Variants in ZEB1 observed in about 807,000 individuals in gnomAD.
The protein encoded by ZEB1 is zinc finger E-box binding homeobox 1, also known as zinc finger E-box-binding homeobox 1.
A neutral mutation model predicts 84.9 loss-of-function variants in ZEB1; 21 were observed. That is an observed-to-expected ratio of 0.25 (90% CI 0.18 to 0.36). The LOEUF (loss-of-function observed/expected upper bound fraction) is 0.36, where lower values mean the gene tolerates loss of function less well. ZEB1 is among the 10% of genes least tolerant of loss of function. ZEB1 has a pLI of 1.00. For synonymous variants in ZEB1, 420 were observed against 471.1 expected (o/e 0.89, Z 1.41); for missense variants, 1,104 against 1,330.2 (o/e 0.83, Z 2.65).
intron 1 of ZEB1, among the ~76,000 whole-genome samples, chr10:31,346,253 A>C (rs1180535534): frequency 6.6e-6 from 1 of 152,194 alleles, no homozygotes; most frequent in Non-Finnish European, 1.5e-5. Flanking sequence ...ACAGAACTAT[A>C]GGAAATTTCT....
chr10:31,472,581 A>G (rs1221544804), intron 2 of ZEB1, among the ~76,000 whole-genome samples: 1 of 132,452 alleles, frequency 7.5e-6, no homozygotes, highest in African/African-American at 3.2e-5. Flanking sequence ...TTACCAACCA[A>G]AAAGAGTCCA....
chr10:31,462,080 C>G (rs1280185621), intron 2 of ZEB1, among the ~76,000 whole-genome samples: 2 of 152,014 alleles, frequency 1.3e-5, no homozygotes, highest in African/African-American at 4.8e-5. Flanking sequence ...AGCAAGAATT[C>G]AAGTTCAAAG....
chr10:31,349,555 C>A (rs2040947106), intron 1 of ZEB1, among the ~76,000 whole-genome samples: 1 of 152,124 alleles, frequency 6.6e-6, no homozygotes, highest in Non-Finnish European at 1.5e-5. Context: ...CAGGGGTTTC[C>A]TTCTCTCTGC....
chr10:31,509,525 G>A (rs1027619713), intron 4 of ZEB1, among the ~76,000 whole-genome samples: 7 of 152,190 alleles, frequency 4.6e-5, no homozygotes, highest in Non-Finnish European at 8.8e-5. Context: ...TAGAGGAGGT[G>A]AGTACCAGAT....
intron 1 of ZEB1, chr10:31,387,910 GTCTT>G: frequency 4.0e-6 from 1 of 249,648 alleles, no homozygotes; most frequent in Non-Finnish European, 6.4e-6. Flanking sequence ...ACTTCTTCCT[GTCTT>G]CAGGAAATGA....
At chr10:31,436,356 A>G (rs142110784) in intron 1 of ZEB1, among the ~76,000 whole-genome samples, 6 of 152,278 alleles carry the variant, frequency 3.9e-5, no homozygotes, top group Admixed American at 1.3e-4. Flanking sequence ...TTGTCAATGA[A>G]GTCTTTAATA....
At chr10:31,346,634 G>T (rs531082590) in intron 1 of ZEB1, among the ~76,000 whole-genome samples, 1 of 152,028 alleles carries the variant, frequency 6.6e-6, no homozygotes, top group South Asian at 2.1e-4. Flanking sequence ...TAAGTCAAGA[G>T]CAGACCACTT....
At chr10:31,428,134 A>G (rs564203278) in intron 1 of ZEB1, among the ~76,000 whole-genome samples, 4 of 151,972 alleles carry the variant, frequency 2.6e-5, no homozygotes, top group South Asian at 2.1e-4. Flanking sequence ...GCTCTTGATT[A>G]TCTAGTTATT....
At chr10:31,349,832 A>C (rs910574987) in intron 1 of ZEB1, among the ~76,000 whole-genome samples, 1 of 152,066 alleles carries the variant, frequency 6.6e-6, no homozygotes, top group Non-Finnish European at 1.5e-5. Context: ...TATCAGTTGT[A>C]TGGTGTGTTT....
chr10:31,368,097 C>T (rs1351028860), intron 1 of ZEB1, among the ~76,000 whole-genome samples: 1 of 151,972 alleles, frequency 6.6e-6, no homozygotes, highest in Non-Finnish European at 1.5e-5. Flanking sequence ...ATACCAAAAT[C>T]CAAATACTGT....
At chr10:31,320,345 G>A (rs1012316670) in intron 1 of ZEB1, 5 of 152,250 alleles carry the variant, frequency 3.3e-5, no homozygotes, top group Non-Finnish European at 5.9e-5. Context: ...CGAGGTCTCT[G>A]CGCCGGGATG....
chr10:31,456,259 G>A (rs1022664625), intron 1 of ZEB1, among the ~76,000 whole-genome samples: 4 of 152,118 alleles, frequency 2.6e-5, no homozygotes, highest in African/African-American at 7.2e-5. Flanking sequence ...GCCTGTTGGC[G>A]GGGTGGGGGT....
intron 1 of ZEB1, among the ~76,000 whole-genome samples, chr10:31,335,284 A>G (rs2037769397): frequency 6.6e-6 from 1 of 152,144 alleles, no homozygotes; most frequent in African/African-American, 2.4e-5. Flanking sequence ...TACCATTGGT[A>G]GCCGTCTTGG....
intron 2 of ZEB1, among the ~76,000 whole-genome samples, chr10:31,472,517 G>A (rs1402938829): frequency 6.6e-6 from 1 of 150,464 alleles, no homozygotes; most frequent in Non-Finnish European, 1.5e-5. Flanking sequence ...GGAAGAAGTT[G>A]AATCTCTGAA....
intron 1 of ZEB1, among the ~76,000 whole-genome samples, chr10:31,426,602 T>G (rs2056956523): frequency 6.6e-6 from 1 of 152,216 alleles, no homozygotes; most frequent in African/African-American, 2.4e-5. Context: ...GTGATCTGAC[T>G]GTTCCTAGTG....
At chr10:31,475,747 T>TG (rs1347099905) in intron 2 of ZEB1, among the ~76,000 whole-genome samples, 1 of 152,108 alleles carries the variant, frequency 6.6e-6, no homozygotes, top group East Asian at 1.9e-4. Flanking sequence ...TAGAGAGAAT[T>TG]CATCACCACT....
At chr10:31,404,361 C>T (rs191141505) in intron 1 of ZEB1, among the ~76,000 whole-genome samples, 105 of 152,138 alleles carry the variant, frequency 6.9e-4, no homozygotes, top group African/African-American at 2.3e-3. Flanking sequence ...CCTGCCTGTA[C>T]GTAGCACTTG....
chr10:31,409,960 G>A (rs1033544468), intron 1 of ZEB1, among the ~76,000 whole-genome samples: 1 of 152,204 alleles, frequency 6.6e-6, no homozygotes, highest in Non-Finnish European at 1.5e-5. Flanking sequence ...TGCAAACAGA[G>A]ACAATTTGAC....
chr10:31,476,625 A>T (rs2064235182), intron 2 of ZEB1, among the ~76,000 whole-genome samples: 1 of 151,978 alleles, frequency 6.6e-6, no homozygotes, highest in Non-Finnish European at 1.5e-5. Context: ...GATACTTGTT[A>T]TCTCCCTGAT....
Sources: allele counts gnomAD v4.1 joint callset (sites outside exome capture counted in the v4.1 genomes callset), GRCh38; gene constraint gnomAD v4.1.1; transcripts MANE v1.5; gene names NCBI Gene and HGNC (gene_info 2026-07-23, HGNC 2026-07-21).